The following ZNF737 variants were observed in gnomAD, a reference collection of about 807,000 sequenced individuals.
The protein encoded by ZNF737 is zinc finger protein 102 (Y3).
Under a neutral mutation model 11.7 loss-of-function variants are expected in ZNF737, and 13 were observed. That is an observed-to-expected ratio of 1.11 (90% confidence interval 0.73 to 1.77). The LOEUF is 1.77. Ranked by LOEUF, ZNF737 falls within the 40% of genes most tolerant of loss-of-function variation. The probability of loss-of-function intolerance (pLI) is 0.00; values close to 1 mark genes in which losing one functional copy is unlikely to be tolerated. For missense variants in ZNF737, 636 were observed against 638.0 expected, an observed-to-expected ratio of 1.00 and a Z score of 0.03; for synonymous variants, 217 against 216.2, an observed-to-expected ratio of 1.00 and a Z score of -0.03.
chr19:20,531,212 ACCGTGGAAAGGG>A (rs1967817060), downstream of ZNF737, among the ~76,000 whole-genome samples: 2 of 133,096 alleles, frequency 1.5e-5, no homozygotes, highest in African/African-American at 5.7e-5. Flanking sequence ...TGAGAGGGAG[ACCGTGGAAAGGG>A]GAGGAGAGAG....
intron 3 of ZNF737, among the ~76,000 whole-genome samples, chr19:20,547,380 C>CA (rs1209880969): frequency 0.027 from 1,744 of 64,744 alleles, 53 homozygotes; most frequent in African/African-American, 0.064. Context: ...GACTCCGTCT[C>CA]AAAAAAAAAA....
chr19:20,562,709 C>T (rs1347235591), intron 1 of ZNF737, among the ~76,000 whole-genome samples: 1 of 152,056 alleles, frequency 6.6e-6, no homozygotes, highest in Non-Finnish European at 1.5e-5. Context: ...CCTGTCTCAG[C>T]CTCCCAAAGT....
At chr19:20,547,500 T>A (rs1351376239) in intron 3 of ZNF737, among the ~76,000 whole-genome samples, 1 of 151,690 alleles carries the variant, frequency 6.6e-6, no homozygotes, top group Non-Finnish European at 1.5e-5. Flanking sequence ...CTGTATATGA[T>A]CAGATGATCT....
the ZNF737 span, among the ~76,000 whole-genome samples, chr19:20,530,286 G>A: frequency 7.4e-6 from 1 of 135,122 alleles, no homozygotes; most frequent in South Asian, 2.7e-4. Flanking sequence ...CTCCCTCCCG[G>A]ATGGGGCAGC....
At chr19:20,530,486 G>A in the ZNF737 span, among the ~76,000 whole-genome samples, 1 of 148,788 alleles carries the variant, frequency 6.7e-6, no homozygotes, top group Non-Finnish European at 1.5e-5. Context: ...TGGCAGCCGG[G>A]TGGAGGGGCT....
At chr19:20,558,813 A>G (rs372681006) in intron 1 of ZNF737, among the ~76,000 whole-genome samples, 2 of 152,224 alleles carry the variant, frequency 1.3e-5, no homozygotes, top group Non-Finnish European at 2.9e-5. Flanking sequence ...TGATGGCCCA[A>G]TGATAAGCCA....
downstream of ZNF737, chr19:20,537,893 T>C (rs556091060): frequency 2.7e-5 from 5 of 187,526 alleles, no homozygotes; most frequent in Non-Finnish European, 5.0e-5. Context: ...TTTTATGAGA[T>C]TTCATTGATG....
chr19:20,543,910 C>G lies in ZNF737; in HGVS notation c.*682G>C, dbSNP rs1283278590. ...TAGGAGGCCAAGGTGGGTGGATCAC[C>G]TGAGGTCAGGAGTTCGAGACCAGCC... On this transcript the variant is annotated 3_prime_UTR_variant, in exon 4 of 4. Transcript: ENST00000427401. The G allele has an allele frequency of 1.1e-6, 1 of 898,890 alleles. No homozygotes were observed. Among genetic ancestry groups the G allele is most frequent in the Admixed American group, 6.2e-5 (1 of 16,130 alleles). 55.7% of individuals were successfully genotyped at this position (898,890 alleles called of 1,614,324 possible). A position where few individuals can be genotyped will look rare whatever the true frequency, so the allele number is the denominator to read the frequency against.
Position 20,538,894 on chromosome 19 carries a change from T to C in ZNF737, c.*5698A>G. On this transcript the variant is annotated 3_prime_UTR_variant, in exon 4 of 4. Transcript: ENST00000427401. The stretch of plus-strand genomic sequence containing the variant: ...TTGCTTTTTTGAAAAACAAATCTTT[T>C]GTTAATTCACTCTAAATTGAGACTA... 1 of 985,366 alleles carries C rather than the reference T, an allele frequency of 1.0e-6. No homozygotes were observed. Among genetic ancestry groups the C allele is most frequent in the Non-Finnish European group, 1.2e-6 (1 of 829,830 alleles). The allele number at this position is 985,366 out of a possible 1,614,324, so 61.0% of individuals were successfully genotyped here.
chr19:20,559,998 C>T (rs1223732576), intron 1 of ZNF737, among the ~76,000 whole-genome samples: 1 of 151,302 alleles, frequency 6.6e-6, no homozygotes, highest in Non-Finnish European at 1.5e-5. Context: ...AACCCCGTCT[C>T]TACTAAAAAT....
downstream of ZNF737, among the ~76,000 whole-genome samples, chr19:20,532,285 G>A (rs190588770): frequency 6.7e-6 from 1 of 150,238 alleles, no homozygotes; most frequent in East Asian, 2.0e-4. Context: ...CTGGCTGATT[G>A]CAATCACCTG....
At chr19:20,560,743 G>A (rs1555762243) in intron 1 of ZNF737, among the ~76,000 whole-genome samples, 1 of 151,930 alleles carries the variant, frequency 6.6e-6, no homozygotes, top group East Asian at 1.9e-4. Context: ...TCACACCATT[G>A]CACTCCAGCC....
At chr19:20,560,460 T>C (rs782209057) in intron 1 of ZNF737, among the ~76,000 whole-genome samples, 1 of 151,938 alleles carries the variant, frequency 6.6e-6, no homozygotes, top group Admixed American at 6.6e-5. Context: ...ATAACGTCAA[T>C]GAAGCTGGAG....
At chr19:20,548,980 A>AAAAAAAAAAAAAC (rs1491170549) in intron 3 of ZNF737, among the ~76,000 whole-genome samples, 6 of 66,502 alleles carry the variant, frequency 9.0e-5, no homozygotes, top group African/African-American at 2.3e-4. Context: ...AAAAAAAAAA[A>AAAAAAAAAAAAAC]CAATTATGTA....
chr19:20,541,706 G>A lies in ZNF737; in HGVS notation c.*2886C>T, dbSNP rs1346569001. Among the ~76,000 whole-genome samples the A allele has an allele frequency of 6.6e-6, 1 of 152,156 alleles. No homozygotes were observed. The highest frequency in any genetic ancestry group is 1.5e-5 in the Non-Finnish European group (1 of 68,030). ...CTCCCAAAGTGCTGGAATTACAGAT[G>A]TGAGCCACTGTGCCTGGCCGTATTT... On this transcript the variant is annotated 3_prime_UTR_variant, in exon 4 of 4. Coordinates refer to ENST00000427401, the MANE Select transcript of ZNF737 (RefSeq NM_001159293.2).
chr19:20,533,899 T>G (rs1967889343), downstream of ZNF737, among the ~76,000 whole-genome samples: 1 of 150,136 alleles, frequency 6.7e-6, no homozygotes, highest in South Asian at 2.2e-4. Flanking sequence ...ATTCACTGAT[T>G]GAAATCACCT....
chr19:20,532,956 C>T (rs2043982717), downstream of ZNF737, among the ~76,000 whole-genome samples: 1 of 149,916 alleles, frequency 6.7e-6, no homozygotes, highest in African/African-American at 2.5e-5. Flanking sequence ...GACAAAAAGA[C>T]AAGAGTGTGA....
intron 1 of ZNF737, among the ~76,000 whole-genome samples, chr19:20,560,218 C>A (rs1969039300): frequency 6.6e-6 from 1 of 151,242 alleles, no homozygotes; most frequent in African/African-American, 2.4e-5. Context: ...GTGGTAATGC[C>A]CGCGTGTAGT....
rs7254995 is a variant in ZNF737 at position 20,545,971 on chromosome 19, A to C, written c.232T>G (p.Cys78Gly). The change falls in exon 4 of 4, where the codon TGT (cysteine) becomes GGT (glycine). Residue 78 changes from cysteine to glycine, a missense_variant. Cys to Gly is a radical substitution (Grantham distance 159). Coordinates refer to ENST00000427401, the MANE Select transcript of ZNF737 (RefSeq NM_001159293.2). ...CAAAGATCTCGGGCAAAATGAGAAC[A>C]CGTAACTGAAAGAAACAATAAAAGC... ...HEMVANPSVT[C>G]SHFARDLWPE... 80,318 of 1,540,878 alleles carry C rather than the reference A, an allele frequency of 0.052. 2,444 individuals carry two copies. Among genetic ancestry groups the C allele is most frequent in the African/African-American group, 0.11 (7,953 of 72,122 alleles).
Sources: gnomAD v4.1 joint callset for allele counts (sites outside exome capture counted in the v4.1 genomes callset) on GRCh38, gnomAD v4.1.1 for gene constraint, MANE v1.5 for transcripts, NCBI Gene and HGNC (gene_info 2026-07-23, HGNC 2026-07-21) for gene names.